The following CNOT4 variants were observed in gnomAD, a reference collection of about 807,000 sequenced individuals.
CNOT4 encodes CCR4-associated factor 4.
CNOT4 carries 8 observed loss-of-function variants against 73.8 expected under a neutral mutation model. That is an observed-to-expected ratio of 0.11 (90% CI 0.06 to 0.20). CNOT4 has a LOEUF of 0.20. Among genes scored for constraint, CNOT4 ranks in the 10% least tolerant of loss-of-function variants. The pLI, the probability that CNOT4 is intolerant of heterozygous loss-of-function variation, is 1.00. For missense variants in CNOT4, 564 were observed against 883.4 expected (o/e 0.64, Z 4.58); for synonymous variants, 293 against 321.1 (o/e 0.91, Z 0.94).
chr7:135,416,040 T>G (rs1797855924), intron 3 of CNOT4, among the ~76,000 whole-genome samples: 1 of 152,156 alleles, frequency 6.6e-6, no homozygotes, highest in Non-Finnish European at 1.5e-5. Flanking sequence ...TTGACCGGTA[T>G]GTAACTTGAT....
chr7:135,486,671 T>C (rs1473508454), intron 1 of CNOT4, among the ~76,000 whole-genome samples: 2 of 152,132 alleles, frequency 1.3e-5, no homozygotes, highest in Non-Finnish European at 2.9e-5. Context: ...AGTGGGTAAA[T>C]AGCTAAACTG....
At chr7:135,427,731 T>TA (rs1162088932) in intron 2 of CNOT4, among the ~76,000 whole-genome samples, 1 of 152,220 alleles carries the variant, frequency 6.6e-6, no homozygotes, top group Non-Finnish European at 1.5e-5. Flanking sequence ...TTAACCCTTT[T>TA]ACTAAAAACC....
chr7:135,478,162 G>T (rs943392594), intron 1 of CNOT4, among the ~76,000 whole-genome samples: 1 of 151,990 alleles, frequency 6.6e-6, no homozygotes, highest in Non-Finnish European at 1.5e-5. Flanking sequence ...TTATTTGAAT[G>T]AAATATTTTA....
At chr7:135,494,615 G>A (rs549374346) in intron 1 of CNOT4, among the ~76,000 whole-genome samples, 1 of 151,912 alleles carries the variant, frequency 6.6e-6, no homozygotes, top group African/African-American at 2.4e-5. Flanking sequence ...CCAGAACCTG[G>A]AATACATCAG....
chr7:135,382,285 G>C (rs764661643), intron 10 of CNOT4, among the ~76,000 whole-genome samples: 13 of 152,096 alleles, frequency 8.5e-5, no homozygotes, highest in Non-Finnish European at 1.6e-4. Flanking sequence ...TTTGGAAATA[G>C]CCCCTGACTA....
intron 3 of CNOT4, among the ~76,000 whole-genome samples, chr7:135,418,611 G>A (rs983138262): frequency 6.6e-6 from 1 of 152,136 alleles, no homozygotes; most frequent in African/African-American, 2.4e-5. Flanking sequence ...ACTGGAATAG[G>A]AACTGTAAGA....
chr7:135,457,952 C>T (rs545522782), intron 1 of CNOT4, among the ~76,000 whole-genome samples: 8 of 152,192 alleles, frequency 5.3e-5, no homozygotes, highest in African/African-American at 1.9e-4. Flanking sequence ...TTACGACTCT[C>T]AATGAATATT....
Position 135,362,738 on chromosome 7 carries a change from G to A in CNOT4, c.*147C>T. On this transcript the variant is annotated 3_prime_UTR_variant, in exon 12 of 12. Transcript: ENST00000541284. ...ATGGTAATGACCCTGTGATCGCATT[G>A]CATCTGGGGTTAGGGAGAAAAAAAA... 2 of 812,768 alleles carry A rather than the reference G, an allele frequency of 2.5e-6. No homozygotes were observed. Among genetic ancestry groups the A allele is most frequent in the Non-Finnish European group, 4.4e-6 (2 of 458,852 alleles). The allele number at this position is 812,768 out of a possible 1,614,324, so 50.3% of individuals were successfully genotyped here. A position where few individuals can be genotyped will look rare whatever the true frequency, so the allele number is the denominator to read the frequency against.
intron 10 of CNOT4, chr7:135,387,580 A>G (rs1348700416): frequency 1.0e-6 from 1 of 977,156 alleles, no homozygotes; most frequent in Non-Finnish European, 1.2e-6. Context: ...ATTAAAGCAT[A>G]CCTTTTATCA....
chr7:135,420,445 T>C (rs112902252), intron 3 of CNOT4, among the ~76,000 whole-genome samples: 2,714 of 151,674 alleles, frequency 0.018, 35 homozygotes, highest in Non-Finnish European at 0.03. Context: ...GGTGTGGTGA[T>C]ATGCACCTGT....
intron 10 of CNOT4, among the ~76,000 whole-genome samples, chr7:135,365,649 T>C (rs1037337424): frequency 6.6e-6 from 1 of 152,136 alleles, no homozygotes; most frequent in African/African-American, 2.4e-5. Context: ...CTGTACAGAC[T>C]ATTAATTTTT....
At chr7:135,455,092 A>AAGGAC (rs1800438697) in intron 1 of CNOT4, among the ~76,000 whole-genome samples, 1 of 151,848 alleles carries the variant, frequency 6.6e-6, no homozygotes, top group Non-Finnish European at 1.5e-5. Flanking sequence ...TGTGTGAAAA[A>AAGGAC]AGGACAGGAC....
At chr7:135,442,800 G>A (rs867418447) in intron 1 of CNOT4, among the ~76,000 whole-genome samples, 1 of 151,858 alleles carries the variant, frequency 6.6e-6, no homozygotes, top group African/African-American at 2.4e-5. Flanking sequence ...GCTTACACCT[G>A]TAATCCCAGC....
At chr7:135,379,092 C>T (rs1193176517) in intron 10 of CNOT4, among the ~76,000 whole-genome samples, 1 of 151,762 alleles carries the variant, frequency 6.6e-6, no homozygotes, top group African/African-American at 2.4e-5. Context: ...TTAGTCATGA[C>T]TTCCCTGTTA....
intron 2 of CNOT4, among the ~76,000 whole-genome samples, chr7:135,434,415 C>A (rs912229423): frequency 2.6e-5 from 4 of 152,210 alleles, no homozygotes; most frequent in African/African-American, 9.6e-5. Context: ...AGAAGAGGTT[C>A]TAGGAGATGT....
chr7:135,458,543 G>C (rs1303834009), intron 1 of CNOT4, among the ~76,000 whole-genome samples: 1 of 152,066 alleles, frequency 6.6e-6, no homozygotes, highest in Non-Finnish European at 1.5e-5. Flanking sequence ...TACCCACGTA[G>C]AACCTCTTTC....
chr7:135,391,486 TACA>T (rs1796398872), intron 10 of CNOT4, among the ~76,000 whole-genome samples: 2 of 151,854 alleles, frequency 1.3e-5, no homozygotes, highest in African/African-American at 2.4e-5. Context: ...TACCAAATAG[TACA>T]ACGATTCAGA....
chr7:135,492,077 G>C (rs1267432419), intron 1 of CNOT4, among the ~76,000 whole-genome samples: 1 of 152,182 alleles, frequency 6.6e-6, no homozygotes, highest in African/African-American at 2.4e-5. Context: ...CAATGAAGTA[G>C]AAATCAGGTC....
chr7:135,431,829 A>C (rs1798867319), intron 2 of CNOT4, among the ~76,000 whole-genome samples: 1 of 152,022 alleles, frequency 6.6e-6, no homozygotes, highest in South Asian at 2.1e-4. Flanking sequence ...TATTATGTAT[A>C]CTGAAAACTA....
Sources: allele counts gnomAD v4.1 joint callset (sites outside exome capture counted in the v4.1 genomes callset), GRCh38; gene constraint gnomAD v4.1.1; transcripts MANE v1.5; gene names NCBI Gene and HGNC (gene_info 2026-07-23, HGNC 2026-07-21).